The following AFG2A variants were observed in gnomAD, a reference collection of about 807,000 sequenced individuals.
AFG2A encodes the protein ATPase family gene 2 protein homolog A.
chr4:123,089,448 A>G, the AFG2A span, among the ~76,000 whole-genome samples: 1 of 152,170 alleles, frequency 6.6e-6, no homozygotes, highest in Non-Finnish European at 1.5e-5. Flanking sequence ...TTGTCCACTC[A>G]GTTGTTTATT....
At chr4:122,950,795 A>G in the AFG2A span, among the ~76,000 whole-genome samples, 1 of 152,180 alleles carries the variant, frequency 6.6e-6, no homozygotes, top group African/African-American at 2.4e-5. Flanking sequence ...CAAAGATCCT[A>G]TGTAGTCTAC....
At chr4:123,162,281 G>A in the AFG2A span, among the ~76,000 whole-genome samples, 42 of 152,218 alleles carry the variant, frequency 2.8e-4, no homozygotes, top group Admixed American at 2.2e-3. Context: ...ATACATGCAA[G>A]GAAAAATGGG....
the AFG2A span, among the ~76,000 whole-genome samples, chr4:123,277,901 C>T: frequency 9.9e-5 from 15 of 152,038 alleles, no homozygotes; most frequent in African/African-American, 3.1e-4. Flanking sequence ...ATTTTTGTAT[C>T]GATGTCTATC....
At chr4:123,001,280 G>C in the AFG2A span, among the ~76,000 whole-genome samples, 3 of 152,128 alleles carry the variant, frequency 2.0e-5, no homozygotes, top group South Asian at 6.2e-4. Flanking sequence ...ATGTTTTGAA[G>C]GGTTTTTTGT....
At chr4:123,244,711 T>C in the AFG2A span, among the ~76,000 whole-genome samples, 2 of 152,212 alleles carry the variant, frequency 1.3e-5, no homozygotes, top group Non-Finnish European at 2.9e-5. Flanking sequence ...TTAAAAATCG[T>C]TTATATGTAA....
At chr4:123,167,370 C>T in the AFG2A span, among the ~76,000 whole-genome samples, 55 of 151,644 alleles carry the variant, frequency 3.6e-4, no homozygotes, top group Non-Finnish European at 4.9e-4. Context: ...GTTTTTGAGA[C>T]GGAGTCTCGC....
chr4:123,074,093 G>GTTTTTTTTTTTTTTTTTTTTTT, the AFG2A span, among the ~76,000 whole-genome samples: 1 of 39,572 alleles, frequency 2.5e-5, no homozygotes, highest in Middle Eastern at 0.013. Context: ...TTCTCAGATA[G>GTTTTTTTTTTTTTTTTTTTTTT]TATTTTTTTT....
the AFG2A span, among the ~76,000 whole-genome samples, chr4:123,038,939 A>AT: frequency 3.9e-5 from 6 of 151,998 alleles, no homozygotes; most frequent in African/African-American, 7.2e-5. Flanking sequence ...ATATTTTCAC[A>AT]TTTTCAAACA....
At chr4:123,012,956 C>T in the AFG2A span, among the ~76,000 whole-genome samples, 1 of 152,110 alleles carries the variant, frequency 6.6e-6, no homozygotes, top group African/African-American at 2.4e-5. Context: ...AAATTTCACT[C>T]GTGTCTGTGT....
At chr4:122,975,782 G>A in the AFG2A span, among the ~76,000 whole-genome samples, 1 of 151,942 alleles carries the variant, frequency 6.6e-6, no homozygotes, top group Non-Finnish European at 1.5e-5. Flanking sequence ...TTGAACAGAG[G>A]CAGTCAGTGA....
chr4:123,264,003 A>G, the AFG2A span, among the ~76,000 whole-genome samples: 1 of 152,332 alleles, frequency 6.6e-6, no homozygotes, highest in East Asian at 1.9e-4. Context: ...TGTGGCATAT[A>G]TATACACCAT....
At chr4:122,934,948 C>T in the AFG2A span, among the ~76,000 whole-genome samples, 1 of 152,186 alleles carries the variant, frequency 6.6e-6, no homozygotes, top group African/African-American at 2.4e-5. Context: ...GAATTAGTGA[C>T]AGCCTTGTCT....
chr4:122,996,415 C>T, the AFG2A span, among the ~76,000 whole-genome samples: 2 of 152,086 alleles, frequency 1.3e-5, no homozygotes, highest in Non-Finnish European at 2.9e-5. Flanking sequence ...ATGGTAGTTC[C>T]TATTTTTTCA....
chr4:123,314,118 T>C, the AFG2A span: 2 of 1,411,566 alleles, frequency 1.4e-6, no homozygotes, highest in Non-Finnish European at 1.9e-6. Context: ...AATTTGTTTC[T>C]TTTTAAAATT....
chr4:123,294,864 T>G, the AFG2A span, among the ~76,000 whole-genome samples: 1 of 152,234 alleles, frequency 6.6e-6, no homozygotes. Context: ...CTATGGCATA[T>G]AAGTATATGA....
chr4:123,085,782 TTCTTC>T, the AFG2A span, among the ~76,000 whole-genome samples: 1 of 122,462 alleles, frequency 8.2e-6, no homozygotes, highest in Non-Finnish European at 2.0e-5. Flanking sequence ...TTCCCATTTC[TTCTTC>T]TCTTTCATGG....
chr4:123,260,912 T>TGAGTG, the AFG2A span, among the ~76,000 whole-genome samples: 2 of 152,090 alleles, frequency 1.3e-5, no homozygotes, highest in Non-Finnish European at 2.9e-5. Context: ...ATAGCATGAG[T>TGAGTG]GAGTGGCAGA....
chr4:122,947,502 G>A, the AFG2A span: 1 of 1,585,264 alleles, frequency 6.3e-7, no homozygotes, highest in African/African-American at 1.3e-5. Context: ...AGTGTGGTTT[G>A]CTATGGTGAG....
chr4:123,283,941 C>T, the AFG2A span, among the ~76,000 whole-genome samples: 462 of 152,240 alleles, frequency 3.0e-3, 2 homozygotes, highest in African/African-American at 0.01. Flanking sequence ...ACCTCTGCAC[C>T]GACACACATA....
Sources: allele counts gnomAD v4.1 joint callset (sites outside exome capture counted in the v4.1 genomes callset), GRCh38; gene constraint gnomAD v4.1.1; transcripts MANE v1.5; gene names NCBI Gene and HGNC (gene_info 2026-07-23, HGNC 2026-07-21).